Variants in ARHGEF7 observed in about 807,000 individuals in gnomAD.
The protein encoded by ARHGEF7 is Rho guanine nucleotide exchange factor 7, also known as PAK-interacting exchange factor beta.
In ARHGEF7, 33 loss-of-function variants were observed where a neutral mutation model predicts 109.8. The observed-to-expected ratio is 0.30, with a 90% confidence interval of 0.23 to 0.40. ARHGEF7 has a LOEUF of 0.40. ARHGEF7 is among the 10% of genes least tolerant of loss of function. The probability of loss-of-function intolerance (pLI) is 1.00; values close to 1 mark genes in which losing one functional copy is unlikely to be tolerated. For missense variants in ARHGEF7, 938 were observed against 1,098.5 expected (o/e 0.85, Z 2.07); for synonymous variants, 458 against 424.6 (o/e 1.08, Z -0.97).
chr13:111,234,634 A>G (rs910684445), intron 6 of ARHGEF7, among the ~76,000 whole-genome samples: 1 of 152,126 alleles, frequency 6.6e-6, no homozygotes, highest in African/African-American at 2.4e-5. Flanking sequence ...CTTCTCTTAC[A>G]TTAGTGGCAA....
intron 5 of ARHGEF7, 57 bp downstream of exon 5, chr13:111,217,937 A>C: frequency 6.6e-7 from 1 of 1,504,800 alleles, no homozygotes; most frequent in East Asian, 2.4e-5. Flanking sequence ...AAAGAAGTAA[A>C]TGTACTTGAC....
intron 6 of ARHGEF7, among the ~76,000 whole-genome samples, chr13:111,238,754 C>T (rs192326639): frequency 5.9e-5 from 9 of 152,036 alleles, no homozygotes; most frequent in East Asian, 1.9e-4. Context: ...AGGAGCACCC[C>T]GCTCCGTCAT....
intron 8 of ARHGEF7, among the ~76,000 whole-genome samples, chr13:111,263,363 A>G (rs746131149): frequency 6.6e-6 from 1 of 152,226 alleles, no homozygotes; most frequent in Admixed American, 6.5e-5. Context: ...AACCACTCGT[A>G]CCGTGAATTG....
chr13:111,141,131 T>C (rs1000094501), intron 1 of ARHGEF7, among the ~76,000 whole-genome samples: 1 of 152,292 alleles, frequency 6.6e-6, no homozygotes, highest in East Asian at 1.9e-4. Context: ...CCTGTTACAA[T>C]TGATAAGATG....
intron 2 of ARHGEF7, among the ~76,000 whole-genome samples, chr13:111,196,186 T>G (rs2080479523): frequency 1.3e-5 from 2 of 152,180 alleles, no homozygotes; most frequent in Non-Finnish European, 2.9e-5. Flanking sequence ...TTAATGGGCT[T>G]TTTCCTAACT....
chr13:111,192,623 G>A (rs1007308094), intron 2 of ARHGEF7, among the ~76,000 whole-genome samples: 2 of 152,158 alleles, frequency 1.3e-5, no homozygotes, highest in Admixed American at 6.5e-5. Flanking sequence ...GTTTCCTTTA[G>A]TGCCTCTTGA....
intron 2 of ARHGEF7, among the ~76,000 whole-genome samples, chr13:111,202,839 A>G (rs2081353791): frequency 2.0e-5 from 3 of 152,346 alleles, no homozygotes; most frequent in Admixed American, 6.5e-5. Context: ...AAGCACTTCA[A>G]TCGAAACATT....
At chr13:111,284,286 C>G (rs1313629031) in intron 16 of ARHGEF7, among the ~76,000 whole-genome samples, 3 of 152,294 alleles carry the variant, frequency 2.0e-5, no homozygotes, top group Non-Finnish European at 4.4e-5. Context: ...CAGACTTTTT[C>G]TACATTCTTG....
intron 1 of ARHGEF7, among the ~76,000 whole-genome samples, chr13:111,148,545 T>G (rs2075731457): frequency 2.0e-5 from 3 of 152,210 alleles, no homozygotes; most frequent in Admixed American, 6.5e-5. Flanking sequence ...CACCTAAAAC[T>G]GACTAGCCTT....
Position 111,300,861 on chromosome 13 carries a change from C to T in ARHGEF7, c.2411+14C>T, listed in dbSNP as rs778045774. ...GATAGAAGAAAAGTAAGATGTCTTC[C>T]GGTATTCTAAAGCAGATGTTTGACC... On this transcript the variant is annotated intron_variant, in intron 20 of 21. Coordinates refer to ENST00000646102, the MANE Select transcript of ARHGEF7 (RefSeq NM_001354046.2). The T allele has an allele frequency of 1.4e-5, 22 of 1,544,672 alleles. No individual in the cohort carries two copies. The highest frequency in any genetic ancestry group is 1.7e-5 in the Non-Finnish European group (19 of 1,124,010).
intron 8 of ARHGEF7, among the ~76,000 whole-genome samples, chr13:111,249,344 G>C (rs1477476418): frequency 6.6e-6 from 1 of 152,040 alleles, no homozygotes; most frequent in East Asian, 1.9e-4. Context: ...AATCGATAGA[G>C]GTTTACGTAG....
intron 1 of ARHGEF7, among the ~76,000 whole-genome samples, chr13:111,134,501 A>G (rs557819676): frequency 4.6e-5 from 7 of 152,066 alleles, no homozygotes; most frequent in Non-Finnish European, 1.0e-4. Context: ...AGTGTGAGAT[A>G]GTATCTCATT....
chr13:111,160,716 G>A (rs1458947796), intron 2 of ARHGEF7, among the ~76,000 whole-genome samples: 4 of 152,160 alleles, frequency 2.6e-5, no homozygotes, highest in Non-Finnish European at 5.9e-5. Flanking sequence ...GATCATGGGG[G>A]TGATTTCCCC....
intron 3 of ARHGEF7, among the ~76,000 whole-genome samples, chr13:111,208,807 A>G (rs1158304209): frequency 6.6e-6 from 1 of 152,148 alleles, no homozygotes; most frequent in Non-Finnish European, 1.5e-5. Context: ...TTGGAGTAGC[A>G]AGCCCCCATC....
At chr13:111,247,399 G>A (rs1379355781) in intron 8 of ARHGEF7, among the ~76,000 whole-genome samples, 1 of 151,962 alleles carries the variant, frequency 6.6e-6, no homozygotes, top group Admixed American at 6.5e-5. Context: ...CTCCCGAGTA[G>A]CTGGGATTAC....
chr13:111,249,168 C>T lies in ARHGEF7; in HGVS notation c.950+4874C>T, dbSNP rs527457327. ...CCCAGCAACTCTGGTAGAACCAAAC[C>T]CTGTGGATTTTTGTTGGAGTTTTAG... is the stretch of plus-strand genomic sequence containing the variant. On this transcript the variant is annotated intron_variant, in intron 8 of 21. Transcript: ENST00000646102. Among the ~76,000 whole-genome samples the T allele has an allele frequency of 2.0e-5, 3 of 152,218 alleles. No homozygotes were observed. The East Asian group carries it at 5.8e-4, about 29-fold the overall frequency.
intron 5 of ARHGEF7, among the ~76,000 whole-genome samples, chr13:111,226,865 A>G (rs765035135): frequency 9.9e-5 from 15 of 152,224 alleles, no homozygotes; most frequent in Non-Finnish European, 1.6e-4. Flanking sequence ...ACCCCTTTAG[A>G]TGCTGTTAAG....
chr13:111,115,632 A>G lies in ARHGEF7; in HGVS notation c.106A>G (p.Lys36Glu). 2 of 1,394,712 alleles carry G rather than the reference A, an allele frequency of 1.4e-6. No individual in the cohort carries two copies. The highest frequency in any genetic ancestry group is 9.4e-7 in the Non-Finnish European group (1 of 1,058,682). The allele number at this position is 1,394,712 out of a possible 1,614,324, so 86.4% of individuals were successfully genotyped here. ...GGAGGGCTTTCTGCAGGCGTCGCTG[A>G]AGGATGGGGTGGTCCTCTGCAGGCT... The part of the protein sequence containing the change: ...DPEGFLQASL[K>E]DGVVLCRLLE... Residue 36 changes from lysine (K) to glutamate (E), a missense_variant, in exon 1 of 22, where the codon AAG (lysine) becomes GAG (glutamate). By Grantham distance (56) the Lys-to-Glu change is moderately conservative (BLOSUM62 1). Around this residue, in one of 4 missense-constraint regions of ARHGEF7, gnomAD observed 165 missense variants for 125.8 expected, o/e 1.31. Coordinates refer to ENST00000646102, the MANE Select transcript of ARHGEF7 (RefSeq NM_001354046.2).
intron 1 of ARHGEF7, among the ~76,000 whole-genome samples, chr13:111,127,726 C>G (rs1027921412): frequency 6.7e-6 from 1 of 148,514 alleles, no homozygotes; most frequent in African/African-American, 2.5e-5. Context: ...CCAAACCATT[C>G]TAAGTGGTAA....
Sources: allele counts gnomAD v4.1 joint callset (sites outside exome capture counted in the v4.1 genomes callset), GRCh38; gene constraint gnomAD v4.1.1; regional missense constraint gnomAD v4.1.1; transcripts MANE v1.5; gene names NCBI Gene and HGNC (gene_info 2026-07-23, HGNC 2026-07-21).